The following XYLT2 variants were observed in gnomAD, a reference collection of about 807,000 sequenced individuals.
The protein encoded by XYLT2 is UDP-D-xylose:proteoglycan core protein beta-D-xylosyltransferase.
Under a neutral mutation model 82.6 loss-of-function variants are expected in XYLT2, and 37 were observed. The observed-to-expected ratio is 0.45, with a 90% CI of 0.34 to 0.59. XYLT2 has a LOEUF of 0.59. XYLT2 is among the 20% of genes least tolerant of loss of function. The pLI is 0.01. For synonymous variants in XYLT2, 474 were observed against 499.0 expected (o/e 0.95, Z 0.67); for missense variants, 934 against 1,181.3 (o/e 0.79, Z 3.07).
Position 50,346,873 on chromosome 17 carries a change from A to C in XYLT2, c.135+598A>C. The C allele has an allele frequency of 1.0e-6, 1 of 985,348 alleles. No homozygotes were observed. The highest frequency in any genetic ancestry group is 1.2e-6 in the Non-Finnish European group (1 of 829,908). The allele number at this position is 985,348 out of a possible 1,614,324, so 61.0% of individuals were successfully genotyped here. On this transcript the variant is annotated intron_variant, in intron 1 of 10. Coordinates refer to ENST00000017003, the MANE Select transcript of XYLT2 (RefSeq NM_022167.4). This position sits in a 1 kb window ranked among gnomAD's most constrained non-coding sequence, Gnocchi z 5.1. ...AGTATTCCCGAGGTGTGGCTTCCTC[A>C]GCCGGGGGTTTGAAGAACCTGGATG...
In XYLT2 at chr17:50,360,355, G is replaced by A. The variant is rs374021879; in HGVS notation, c.*64G>A. ...TGCACCTTACAGACAGTGGAGGGGTGTCCCCTCCCACAGGCAAGAACCAGA... is the reference window on the plus strand; with the variant it reads ...TGCACCTTACAGACAGTGGAGGGGTATCCCCTCCCACAGGCAAGAACCAGA... On this transcript the variant is annotated 3_prime_UTR_variant, in exon 11 of 11. Transcript: ENST00000017003. 2.6e-5 allele frequency: 38 copies of A among 1,467,196 alleles called. No homozygotes were observed. The African/African-American group carries it at 5.1e-4, about 20-fold the overall frequency. 90.9% of individuals were successfully genotyped at this position (1,467,196 alleles called of 1,614,324 possible).
intron 2 of XYLT2, 41 bp downstream of exon 2, chr17:50,354,163 AG>A (rs1468745710): frequency 2.5e-6 from 4 of 1,597,656 alleles, no homozygotes; most frequent in Non-Finnish European, 2.5e-6. Context: ...AGGCGGGGGC[AG>A]GGGGGTGGCA....
At position 50,358,359 on chromosome 17, in the gene XYLT2, C is replaced by T. The variant is rs201802524; in HGVS notation, c.2094C>T (p.Ala698=). The T allele has an allele frequency of 1.2e-6, 2 of 1,614,086 alleles. No homozygotes were observed. Among genetic ancestry groups the T allele is most frequent in the Non-Finnish European group, 1.7e-6 (2 of 1,180,042 alleles). Residue 698 remains alanine (A), a synonymous_variant, in exon 10 of 11, where the codon GCC becomes GCT. Coordinates refer to ENST00000017003, the MANE Select transcript of XYLT2 (RefSeq NM_022167.4). ...GGATCGACCCAACCTATGTGGTGGC[C>T]ACATCTTATGACATCACAGTAGATA... ...VVWIDPTYVV[A]TSYDITVDTE...
chr17:50,358,844 A>T (rs1332836231), intron 10 of XYLT2: 1 of 301,576 alleles, frequency 3.3e-6, no homozygotes, highest in African/African-American at 2.1e-5. Flanking sequence ...GTGAAGCTGG[A>T]ATAGTACACC....
chr17:50,353,260 T>C (rs1567805161), intron 1 of XYLT2, among the ~76,000 whole-genome samples: 1 of 152,182 alleles, frequency 6.6e-6, no homozygotes, highest in Non-Finnish European at 1.5e-5. Context: ...TGGACACTTG[T>C]ACCCTCGGTG....
chr17:50,359,956 T>C lies in XYLT2; in HGVS notation c.2276-13T>C. ...TGCAGGGGGTGTGCTTACTGCCTGC[T>C]CTGCACCCACAGATGATGCCAGCTG... is the stretch of plus-strand genomic sequence containing the variant. On this transcript the variant is annotated splice_polypyrimidine_tract_variant and intron_variant, in intron 10 of 10. Transcript: ENST00000017003. 1.3e-6 allele frequency: 2 copies of C among 1,573,138 alleles called. No homozygotes were observed. The highest frequency in any genetic ancestry group is 2.3e-5 in the East Asian group (1 of 43,310).
chr17:50,357,293 C>G (rs763284755), intron 9 of XYLT2, 41 bp downstream of exon 9: 1 of 1,508,508 alleles, frequency 6.6e-7, no homozygotes, highest in South Asian at 1.3e-5. Context: ...AACCCCCACC[C>G]AGACTTGGGG....
At chr17:50,352,765 C>T (rs964147726) in intron 1 of XYLT2, among the ~76,000 whole-genome samples, 3 of 152,196 alleles carry the variant, frequency 2.0e-5, no homozygotes, top group Admixed American at 6.5e-5. Flanking sequence ...GCACATGCAG[C>T]GAGGTGACAG....
chr17:50,355,950 G>A lies in XYLT2; in HGVS notation c.1258G>A (p.Val420Met), dbSNP rs745493031. ...TGTGGTGTACACAGATGACCCGCTT[G>A]TGGCCCAGCTGCGCCAGTTCTACAC... is the stretch of plus-strand genomic sequence containing the variant. ...EYVVYTDDPLVAQLRQFYTYT... is the reference protein window; with the variant it reads ...EYVVYTDDPLMAQLRQFYTYT... Residue 420 changes from valine to methionine, a missense_variant, in exon 6 of 11, where the codon GTG (valine) becomes ATG (methionine). This residue lies in a region of XYLT2 where 189 missense variants were observed against 320.8 expected (regional missense o/e 0.59). Coordinates refer to ENST00000017003, the MANE Select transcript of XYLT2 (RefSeq NM_022167.4). 2.5e-6 allele frequency: 4 copies of A among 1,614,232 alleles called. No homozygotes were observed. Among genetic ancestry groups the A allele is most frequent in the Non-Finnish European group, 3.4e-6 (4 of 1,180,034 alleles).
rs758568517 is a variant in XYLT2 at position 50,358,465 on chromosome 17, T to A, written c.2200T>A (p.Phe734Ile). Residue 734 changes from phenylalanine to isoleucine, a missense_variant, in exon 10 of 11, where the codon TTC (phenylalanine) becomes ATC (isoleucine). Phe to Ile is a conservative substitution (Grantham distance 21, BLOSUM62 0). Coordinates refer to ENST00000017003, the MANE Select transcript of XYLT2 (RefSeq NM_022167.4). ...PGPWTVRLLQ[F>I]WEPLGETRFL... ...GCCCTGGACTGTTCGACTCCTTCAG[T>A]TCTGGGAACCGCTGGGTGAGACCCG... 6.2e-7 allele frequency: 1 copy of A among 1,614,204 alleles called. No individual in the cohort carries two copies. The highest frequency in any genetic ancestry group is 1.7e-5 in the Admixed American group (1 of 60,028).
At position 50,360,868 on chromosome 17, in the gene XYLT2, G is replaced by A. The variant is rs1912780025; in HGVS notation, c.*577G>A. On this transcript the variant is annotated 3_prime_UTR_variant, in exon 11 of 11. Coordinates refer to ENST00000017003, the MANE Select transcript of XYLT2 (RefSeq NM_022167.4). ...CAGGTGATATCGGGGGCGCTGCAGA[G>A]CTGGGCTCTAGCAGGACAGTTCTTT... 3.0e-6 allele frequency: 3 copies of A among 985,982 alleles called. No individual in the cohort carries two copies. Among genetic ancestry groups the A allele is most frequent in the East Asian group, 1.1e-4 (1 of 8,812 alleles). 61.1% of individuals were successfully genotyped at this position (985,982 alleles called of 1,614,324 possible). A position where few individuals can be genotyped will look rare whatever the true frequency, so the allele number is the denominator to read the frequency against.
intron 1 of XYLT2, among the ~76,000 whole-genome samples, chr17:50,351,362 C>T (rs967991676): frequency 2.0e-5 from 3 of 152,072 alleles, no homozygotes; most frequent in Admixed American, 2.0e-4. Context: ...CCTGGCTGGG[C>T]GCAGTGGCTC....
At position 50,354,131 on chromosome 17, in the gene XYLT2, C is replaced by G; in HGVS notation, c.628+9C>G. On this transcript the variant is annotated intron_variant, in intron 2 of 10. Transcript: ENST00000017003. Reference sequence around the variant, plus strand: ...GCACTGTCAGCTGACTGGTGAGGGACAGGGGTGCTCCAGCCCTTCCCAGGC... The same window carrying G: ...GCACTGTCAGCTGACTGGTGAGGGAGAGGGGTGCTCCAGCCCTTCCCAGGC... 1 of 1,601,522 alleles carries G rather than the reference C, an allele frequency of 6.2e-7. No individual in the cohort carries two copies. Among genetic ancestry groups the G allele is most frequent in the South Asian group, 1.1e-5 (1 of 91,062 alleles).
Position 50,354,409 on chromosome 17 carries a change from G to T in XYLT2, c.630G>T (p.Gly210=). 6.2e-7 allele frequency: 1 copy of T among 1,606,202 alleles called. No individual in the cohort carries two copies. The change falls in exon 3 of 11, where the codon GGG becomes GGT. Residue 210 remains glycine (G), a splice_region_variant and synonymous_variant. Coordinates refer to ENST00000017003, the MANE Select transcript of XYLT2 (RefSeq NM_022167.4). The stretch of plus-strand genomic sequence containing the variant: ...CCAACGCCTGTCCTCTGCTCTCAGG[G>T]AAGATGAGCCCCGGCATCCAGTGGG... ...KAVPRHCQLT[G]KMSPGIQWDE...
In XYLT2 at chr17:50,354,393, G is replaced by C; in HGVS notation, c.629-15G>C. On this transcript the variant is annotated splice_polypyrimidine_tract_variant and intron_variant, in intron 2 of 10. Coordinates refer to ENST00000017003, the MANE Select transcript of XYLT2 (RefSeq NM_022167.4). ...CCTAGGGTGGGCCTCGCCAACGCCT[G>C]TCCTCTGCTCTCAGGGAAGATGAGC... The C allele has an allele frequency of 6.3e-7, 1 of 1,598,446 alleles. No homozygotes were observed. The highest frequency in any genetic ancestry group is 8.5e-7 in the Non-Finnish European group (1 of 1,171,290).
At position 50,346,594 on chromosome 17, in the gene XYLT2, G is replaced by T. The variant is rs2526541; in HGVS notation, c.135+319G>T. ...GGTCAGGCGCGGCGAGCGGGGCTGG[G>T]AGGCGGGGCTGGGCCCGAACCTGCT... On this transcript the variant is annotated intron_variant, in intron 1 of 10. Transcript: ENST00000017003. This position sits in a 1 kb window ranked among gnomAD's most constrained non-coding sequence, Gnocchi z 5.1. 0.51 allele frequency: 505,633 copies of T among 983,246 alleles called. 133,471 individuals are homozygous for T. Among genetic ancestry groups the T allele is most frequent in the East Asian group, 0.89 (7,736 of 8,738 alleles). The allele number at this position is 983,246 out of a possible 1,614,324, so 60.9% of individuals were successfully genotyped here.
intron 1 of XYLT2, among the ~76,000 whole-genome samples, chr17:50,347,543 G>A (rs558317770): frequency 6.6e-6 from 1 of 152,254 alleles, no homozygotes; most frequent in South Asian, 2.1e-4. Flanking sequence ...AGTGTTTCAG[G>A]CCCAGTGTAA....
chr17:50,346,925 A>G lies in XYLT2; in HGVS notation c.135+650A>G, dbSNP rs937418255. On this transcript the variant is annotated intron_variant, in intron 1 of 10. Transcript: ENST00000017003. The surrounding 1 kb of genome is among the most constrained non-coding windows in gnomAD (Gnocchi z 5.1). The stretch of plus-strand genomic sequence containing the variant: ...GTCTCCGGAGGGCAGGGAGAGGAGG[A>G]ACTGAGCTGGTGAGTTGGCCTCAGG... 4 of 985,158 alleles carry G rather than the reference A, an allele frequency of 4.1e-6. No homozygotes were observed. In the African/African-American group the frequency reaches 7.0e-5, roughly 17 times the overall value. The allele number at this position is 985,158 out of a possible 1,614,324, so 61.0% of individuals were successfully genotyped here.
Position 50,355,908 on chromosome 17 carries a change from C to T in XYLT2, c.1216C>T (p.Arg406Cys). Residue 406 changes from arginine (R) to cysteine (C), a missense_variant, in exon 6 of 11, where the codon CGC (arginine) becomes TGC (cysteine). Around this residue, in one of 3 missense-constraint regions of XYLT2, gnomAD observed 189 missense variants for 320.8 expected, o/e 0.59. Coordinates refer to ENST00000017003, the MANE Select transcript of XYLT2 (RefSeq NM_022167.4). ...CGGTTCTGACTGGTTCGTGCTGACA[C>T]GCAGCTTTGTGGAGTATGTGGTGTA... ...DGGSDWFVLT[R>C]SFVEYVVYTD... The T allele has an allele frequency of 3.1e-6, 5 of 1,614,236 alleles. No individual in the cohort carries two copies. Among genetic ancestry groups the T allele is most frequent in the Non-Finnish European group, 4.2e-6 (5 of 1,180,044 alleles).
Sources: gnomAD v4.1 joint callset for allele counts (sites outside exome capture counted in the v4.1 genomes callset) on GRCh38, gnomAD v4.1.1 for gene constraint, gnomAD v4.1.1 regional missense constraint, Gnocchi (gnomAD v3.1) non-coding constraint, MANE v1.5 for transcripts, NCBI Gene and HGNC (gene_info 2026-07-23, HGNC 2026-07-21) for gene names.